Variants in RUVBL1 observed in about 807,000 individuals in gnomAD.
The protein encoded by RUVBL1 is RuvB like AAA ATPase 1, also known as ruvB-like 1.
A neutral mutation model predicts 52.4 loss-of-function variants in RUVBL1; 4 were observed. That is an observed-to-expected ratio of 0.08 (90% CI 0.04 to 0.17). RUVBL1 has a LOEUF of 0.17. Ranked by LOEUF, RUVBL1 falls within the 10% of genes least tolerant of loss-of-function variation. The probability of loss-of-function intolerance (pLI) is 1.00; values close to 1 mark genes in which losing one functional copy is unlikely to be tolerated. For synonymous variants in RUVBL1, 217 were observed against 214.4 expected, an observed-to-expected ratio of 1.01 and a Z score of -0.10; for missense variants, 298 against 572.8, an observed-to-expected ratio of 0.52 and a Z score of 4.90.
chr3:128,086,726 A>AAT (rs1942655465), intron 9 of RUVBL1, among the ~76,000 whole-genome samples: 1 of 152,258 alleles, frequency 6.6e-6, no homozygotes, highest in Non-Finnish European at 1.5e-5. Context: ...AATACCTGGA[A>AAT]ATACCATGAA....
intron 2 of RUVBL1, among the ~76,000 whole-genome samples, chr3:128,116,020 A>T (rs1296828121): frequency 1.3e-5 from 2 of 152,018 alleles, no homozygotes; most frequent in Non-Finnish European, 2.9e-5. Flanking sequence ...CCAGCTACTC[A>T]GGAGGCTGAG....
At chr3:128,130,795 C>A (rs1430303467) in intron 1 of RUVBL1, among the ~76,000 whole-genome samples, 1 of 151,754 alleles carries the variant, frequency 6.6e-6, no homozygotes, top group Non-Finnish European at 1.5e-5. Flanking sequence ...GGACTACATG[C>A]GCCTGCCACC....
intron 8 of RUVBL1, among the ~76,000 whole-genome samples, chr3:128,095,533 G>A (rs1453929240): frequency 6.6e-6 from 1 of 152,250 alleles, no homozygotes; most frequent in East Asian, 1.9e-4. Flanking sequence ...ACTTATGACA[G>A]TGGTCTTGTC....
At chr3:128,071,652 A>C (rs1205288894) in intron 9 of RUVBL1, 1 of 152,704 alleles carries the variant, frequency 6.5e-6, no homozygotes, top group African/African-American at 2.4e-5. Context: ...AAGGTGAATA[A>C]GTGACAAATA....
At chr3:128,094,493 C>T (rs749526580) in intron 8 of RUVBL1, among the ~76,000 whole-genome samples, 20 of 152,228 alleles carry the variant, frequency 1.3e-4, no homozygotes, top group Non-Finnish European at 2.8e-4. Context: ...CGCTCACAGC[C>T]CAGGGTCCAC....
Position 128,067,002 on chromosome 3 carries a change from TACA to T in RUVBL1, c.940-1785_940-1783del. On this transcript the variant is annotated intron_variant, in intron 9 of 9. Transcript: ENST00000464873. The surrounding 1 kb of genome is among the most constrained non-coding windows in gnomAD (Gnocchi z 4.1). ...CAAGTCGGCCCGCTACCGTGGCCAG[TACA>T]ACACCTATCCCATCAAGCTCTTCTA... 2 of 1,614,224 alleles carry T rather than the reference TACA, an allele frequency of 1.2e-6. No homozygotes were observed. Among genetic ancestry groups the T allele is most frequent in the Non-Finnish European group, 1.7e-6 (2 of 1,180,038 alleles).
At chr3:128,134,215 C>T (rs1943918372) in intron 1 of RUVBL1, among the ~76,000 whole-genome samples, 1 of 152,092 alleles carries the variant, frequency 6.6e-6, no homozygotes, top group Non-Finnish European at 1.5e-5. Flanking sequence ...GTAATCCCAG[C>T]ACTTTGGGAG....
intron 1 of RUVBL1, among the ~76,000 whole-genome samples, chr3:128,152,596 G>A (rs1944238433): frequency 6.6e-6 from 1 of 152,132 alleles, no homozygotes; most frequent in Non-Finnish European, 1.5e-5. Context: ...GGGCACTGTA[G>A]CCCAGCGGAA....
At chr3:128,069,364 GC>G in intron 9 of RUVBL1, 3 of 988,932 alleles carry the variant, frequency 3.0e-6, no homozygotes, top group Non-Finnish European at 4.5e-6. Flanking sequence ...CTAGGAGACA[GC>G]AGAGGGGCCT....
chr3:128,067,304 A>G lies in RUVBL1; in HGVS notation c.940-2084T>C. Reference sequence around the variant, plus strand: ...ATTAAATTATCTTTTCAGTAAAAAAATTGTACTGTGGGCACCGAGTAAAAT... The same window carrying G: ...ATTAAATTATCTTTTCAGTAAAAAAGTTGTACTGTGGGCACCGAGTAAAAT... On this transcript the variant is annotated intron_variant, in intron 9 of 9. Transcript: ENST00000464873. The surrounding 1 kb of genome is among the most constrained non-coding windows in gnomAD (Gnocchi z 4.1). 2 of 1,315,992 alleles carry G rather than the reference A, an allele frequency of 1.5e-6. No individual in the cohort carries two copies. The highest frequency in any genetic ancestry group is 2.1e-6 in the Non-Finnish European group (2 of 946,464). The allele number at this position is 1,315,992 out of a possible 1,614,324, so 81.5% of individuals were successfully genotyped here.
chr3:128,100,399 C>A (rs1943084295), intron 6 of RUVBL1, among the ~76,000 whole-genome samples, 196 bp downstream of exon 6: 1 of 152,186 alleles, frequency 6.6e-6, no homozygotes, highest in African/African-American at 2.4e-5. Flanking sequence ...CACATGAAAT[C>A]ATCTGTGACT....
intron 1 of RUVBL1, among the ~76,000 whole-genome samples, chr3:128,128,875 T>C (rs1252235527): frequency 1.3e-5 from 2 of 152,158 alleles, no homozygotes; most frequent in African/African-American, 4.8e-5. Context: ...CAAGGCATCT[T>C]TACTATCTGG....
chr3:128,120,156 G>A (rs9821568), intron 1 of RUVBL1, among the ~76,000 whole-genome samples: 131,331 of 152,220 alleles, frequency 0.86, 56,859 homozygotes, highest in African/African-American at 0.93. Flanking sequence ...AGTTGGGAAC[G>A]AAACTGTGTT....
At chr3:128,124,645 C>A (rs924316783), upstream of RUVBL1, among the ~76,000 whole-genome samples, 1 of 152,198 alleles carries the variant, frequency 6.6e-6, no homozygotes, top group Non-Finnish European at 1.5e-5. Flanking sequence ...AGCCAGACAC[C>A]ACAATGCACT....
At chr3:128,076,955 C>T (rs1467657492), downstream of RUVBL1, among the ~76,000 whole-genome samples, 1 of 151,922 alleles carries the variant, frequency 6.6e-6, no homozygotes, top group African/African-American at 2.4e-5. This position sits in a 1 kb window ranked among gnomAD's most constrained non-coding sequence, Gnocchi z 6.8. Context: ...GATCTGCGTG[C>T]TGGCGGCGTG....
intron 1 of RUVBL1, among the ~76,000 whole-genome samples, chr3:128,148,657 G>A (rs1023381361): frequency 6.6e-6 from 1 of 152,194 alleles, no homozygotes; most frequent in Non-Finnish European, 1.5e-5. Flanking sequence ...GAAAGTTGGA[G>A]GGCTGAGCCC....
chr3:128,100,818 A>T (rs1362484955), intron 5 of RUVBL1, 74 bp from the exon 6 acceptor site: 8 of 1,563,596 alleles, frequency 5.1e-6, no homozygotes, highest in Non-Finnish European at 7.0e-6. Flanking sequence ...GGGCTAAGTG[A>T]GATAAAGGTC....
At chr3:128,101,752 A>G (rs1943112880) in intron 4 of RUVBL1, 104 bp from the exon 5 acceptor site, 1 of 1,167,434 alleles carries the variant, frequency 8.6e-7, no homozygotes, top group South Asian at 1.3e-5. Flanking sequence ...TAGCAGGTGC[A>G]TGGAGAAAGC....
At position 128,067,353 on chromosome 3, in the gene RUVBL1, C is replaced by G; in HGVS notation, c.940-2133G>C. 2.7e-6 allele frequency: 4 copies of G among 1,507,224 alleles called. No individual in the cohort carries two copies. Among genetic ancestry groups the G allele is most frequent in the East Asian group, 2.3e-5 (1 of 44,242 alleles). The allele number at this position is 1,507,224 out of a possible 1,614,324, so 93.4% of individuals were successfully genotyped here. A position where few individuals can be genotyped will look rare whatever the true frequency, so the allele number is the denominator to read the frequency against. The stretch of plus-strand genomic sequence containing the variant: ...ATTGCATTCTTTCATCTGCTCAGAA[C>G]TATTTTTGCCTTGATGCTAAAGTAA... On this transcript the variant is annotated intron_variant, in intron 9 of 9. Transcript: ENST00000464873. The surrounding 1 kb of genome is among the most constrained non-coding windows in gnomAD (Gnocchi z 4.1).
Sources: allele counts gnomAD v4.1 joint callset (sites outside exome capture counted in the v4.1 genomes callset), GRCh38; gene constraint gnomAD v4.1.1; non-coding constraint Gnocchi (gnomAD v3.1); transcripts MANE v1.5; gene names NCBI Gene and HGNC (gene_info 2026-07-23, HGNC 2026-07-21).